The following SGCZ variants were observed in gnomAD, a reference collection of about 807,000 sequenced individuals.
SGCZ encodes zeta-sarcoglycan.
A neutral mutation model predicts 41.3 loss-of-function variants in SGCZ; 40 were observed. The observed-to-expected ratio is 0.97, with a 90% CI of 0.75 to 1.26. The LOEUF is 1.26. Ranked by LOEUF, SGCZ falls within the 50% of genes most tolerant of loss-of-function variation. The probability of loss-of-function intolerance (pLI) is 0.00; values close to 1 mark genes in which losing one functional copy is unlikely to be tolerated. For synonymous variants in SGCZ, 206 were observed against 137.5 expected, an observed-to-expected ratio of 1.50 and a Z score of -3.49; for missense variants, 552 against 369.8, an observed-to-expected ratio of 1.49 and a Z score of -4.04.
chr8:14,735,361 C>A, intron 1 of SGCZ, among the ~76,000 whole-genome samples: 1 of 152,186 alleles, frequency 6.6e-6, no homozygotes, highest in East Asian at 1.9e-4. Flanking sequence ...AATTGGCCGC[C>A]AGCACGGCTA....
At chr8:15,196,814 G>T (rs879920072) in intron 1 of SGCZ, among the ~76,000 whole-genome samples, 1 of 152,124 alleles carries the variant, frequency 6.6e-6, no homozygotes, top group Non-Finnish European at 1.5e-5. Flanking sequence ...TTCCTCTTCT[G>T]GTGGTGGCTG....
In SGCZ at chr8:14,924,049, A is replaced by T. The variant is rs1799669871; in HGVS notation, c.39+313536T>A. On this transcript the variant is annotated intron_variant, in intron 1 of 7. Transcript: ENST00000382080. ...TAAACCTTCCCTAAATCCCCTCTTA[A>T]GGGGAGTTTCATGGTTGTGATGAAG... Among the ~76,000 whole-genome samples, 3 of 152,182 alleles carry T rather than the reference A, an allele frequency of 2.0e-5. No individual in the cohort carries two copies. The South Asian group carries it at 6.2e-4, about 32-fold the overall frequency.
chr8:14,606,308 G>T (rs1477892653), intron 1 of SGCZ, among the ~76,000 whole-genome samples: 1 of 150,328 alleles, frequency 6.7e-6, no homozygotes, highest in Non-Finnish European at 1.5e-5. Context: ...ATAGCTTTCT[G>T]TTACACTCCT....
intron 2 of SGCZ, among the ~76,000 whole-genome samples, chr8:14,397,770 C>T (rs1421101964): frequency 6.6e-6 from 1 of 152,120 alleles, no homozygotes; most frequent in East Asian, 1.9e-4. Context: ...TCCCCTTCAT[C>T]ATCTGTCACC....
chr8:14,469,906 C>A lies in SGCZ; in HGVS notation c.234+84826G>T, dbSNP rs146103070. On this transcript the variant is annotated intron_variant, in intron 2 of 7. Coordinates refer to ENST00000382080, the MANE Select transcript of SGCZ (RefSeq NM_139167.4). ...TCTTGTCCTGTGAATTTATCTAATT[C>A]TTTTGTAATATCCTTTATAATAAAC... is the stretch of plus-strand genomic sequence containing the variant. Among the ~76,000 whole-genome samples, 23 of 152,256 alleles carry A rather than the reference C, an allele frequency of 1.5e-4. No homozygotes were observed. In the East Asian group the frequency reaches 4.2e-3, roughly 28 times the overall value.
At chr8:14,428,384 A>T (rs1394986605) in intron 2 of SGCZ, among the ~76,000 whole-genome samples, 1 of 152,066 alleles carries the variant, frequency 6.6e-6, no homozygotes, top group Non-Finnish European at 1.5e-5. Flanking sequence ...TTTGACTTAC[A>T]TTAACTTTAT....
intron 2 of SGCZ, among the ~76,000 whole-genome samples, chr8:14,361,586 T>C (rs1387496737): frequency 6.6e-6 from 1 of 152,200 alleles, no homozygotes; most frequent in Non-Finnish European, 1.5e-5. Flanking sequence ...TCATCTAAGC[T>C]TTTTTAAGGT....
rs1051533573 is a variant in SGCZ at position 14,684,358 on chromosome 8, G to C, written c.40-129432C>G. 5.3e-5 allele frequency among the ~76,000 whole-genome samples: 8 copies of C among 152,058 alleles called. 1 individual carries two copies. The highest frequency in any genetic ancestry group is 3.9e-4 in the Admixed American group (6 of 15,266). On this transcript the variant is annotated intron_variant, in intron 1 of 7. Coordinates refer to ENST00000382080, the MANE Select transcript of SGCZ (RefSeq NM_139167.4). ...CCAAATCATGTATTGAAAAGTCATGGCAACGTATTTATGTACAGACACATT... is the reference window on the plus strand; with the variant it reads ...CCAAATCATGTATTGAAAAGTCATGCCAACGTATTTATGTACAGACACATT...
intron 1 of SGCZ, among the ~76,000 whole-genome samples, chr8:15,011,499 A>T (rs550363483): frequency 5.3e-5 from 8 of 152,358 alleles, no homozygotes; most frequent in Admixed American, 1.3e-4. Flanking sequence ...AAAATCAAGA[A>T]ATAATTTAAA....
chr8:14,460,014 A>G (rs1800857009), intron 2 of SGCZ, among the ~76,000 whole-genome samples: 2 of 152,138 alleles, frequency 1.3e-5, no homozygotes. Flanking sequence ...GTGAAAAAAG[A>G]GACCTTAGTG....
At chr8:15,169,598 G>A (rs1799768345) in intron 1 of SGCZ, among the ~76,000 whole-genome samples, 1 of 127,016 alleles carries the variant, frequency 7.9e-6, no homozygotes, top group African/African-American at 2.5e-5. Context: ...GAGTACCCTA[G>A]ACTAGGCGGC....
At chr8:14,448,860 T>A (rs993926485) in intron 2 of SGCZ, among the ~76,000 whole-genome samples, 1 of 152,202 alleles carries the variant, frequency 6.6e-6, no homozygotes, top group Non-Finnish European at 1.5e-5. Flanking sequence ...TACACTGACA[T>A]AGCTGGGCGC....
intron 4 of SGCZ, among the ~76,000 whole-genome samples, chr8:14,196,308 G>T: frequency 6.6e-6 from 1 of 150,806 alleles, no homozygotes; most frequent in South Asian, 2.1e-4. Flanking sequence ...TTGTTGCCCA[G>T]GCTGGAGTGC....
intron 2 of SGCZ, among the ~76,000 whole-genome samples, chr8:14,385,519 GC>G (rs772266003): frequency 1.1e-4 from 17 of 152,132 alleles, no homozygotes; most frequent in Admixed American, 4.6e-4. Flanking sequence ...GCACCAAGCT[GC>G]CCAGGCTATC....
intron 4 of SGCZ, among the ~76,000 whole-genome samples, chr8:14,166,608 T>C (rs769710214): frequency 6.6e-6 from 1 of 152,276 alleles, no homozygotes; most frequent in Non-Finnish European, 1.5e-5. Flanking sequence ...CTGAGCATAA[T>C]TGATTCTCAA....
intron 1 of SGCZ, among the ~76,000 whole-genome samples, chr8:15,092,667 TGA>T (rs1806197247): frequency 3.3e-5 from 5 of 152,218 alleles, no homozygotes; most frequent in African/African-American, 1.2e-4. Flanking sequence ...CTTCTTAATA[TGA>T]CTTTTAAAAT....
At chr8:14,659,193 C>A (rs1385062233) in intron 1 of SGCZ, among the ~76,000 whole-genome samples, 2 of 152,094 alleles carry the variant, frequency 1.3e-5, no homozygotes, top group African/African-American at 4.8e-5. Flanking sequence ...ACTAGGGTGA[C>A]TATAGCTAGT....
intron 2 of SGCZ, among the ~76,000 whole-genome samples, chr8:14,480,202 G>A (rs1801497669): frequency 6.6e-6 from 1 of 151,984 alleles, no homozygotes; most frequent in Admixed American, 6.6e-5. Context: ...TTATACATTG[G>A]CCATATACTT....
intron 3 of SGCZ, among the ~76,000 whole-genome samples, chr8:14,269,244 C>G (rs887949087): frequency 6.6e-6 from 1 of 152,074 alleles, no homozygotes; most frequent in Non-Finnish European, 1.5e-5. Flanking sequence ...TTTAATGGCT[C>G]AAATTTATTT....
Sources: gnomAD v4.1 joint callset for allele counts (sites outside exome capture counted in the v4.1 genomes callset) on GRCh38, gnomAD v4.1.1 for gene constraint, MANE v1.5 for transcripts, NCBI Gene and HGNC (gene_info 2026-07-23, HGNC 2026-07-21) for gene names.